SOX9: variants seen among roughly 807,000 people sequenced by gnomAD.
SOX9 encodes SRY-box transcription factor 9, also known as transcription factor SOX-9.
SOX9 carries 2 observed loss-of-function variants against 44.8 expected under a neutral mutation model. The observed-to-expected ratio is 0.04, with a 90% CI of 0.02 to 0.14. SOX9 has a LOEUF of 0.14. Among genes scored for constraint, SOX9 ranks in the 10% least tolerant of loss-of-function variants. The probability of loss-of-function intolerance (pLI) is 1.00; values close to 1 mark genes in which losing one functional copy is unlikely to be tolerated. For synonymous variants in SOX9, 381 were observed against 331.8 expected (o/e 1.15, Z -1.61); for missense variants, 583 against 728.6 (o/e 0.80, Z 2.30).
chr17:72,121,400 C>T lies in SOX9; in HGVS notation c.9C>T (p.Leu3=), dbSNP rs746539387. The change falls in exon 1 of 3, where the codon CTC becomes CTT. Residue 3 remains leucine (L), a synonymous_variant. Coordinates refer to ENST00000245479, the MANE Select transcript of SOX9 (RefSeq NM_000346.4). This position sits in a 1 kb window ranked among gnomAD's most constrained non-coding sequence, Gnocchi z 8.3. MN[L]LDPFMKMTDE... is the part of the protein sequence containing the mutation. ...CTGCCCCGGGCCCGCGTATGAATCTCCTGGACCCCTTCATGAAGATGACCG... is the reference window on the plus strand; with the variant it reads ...CTGCCCCGGGCCCGCGTATGAATCTTCTGGACCCCTTCATGAAGATGACCG... 3 of 1,612,556 alleles carry T rather than the reference C, an allele frequency of 1.9e-6. No individual in the cohort carries two copies. The highest frequency in any genetic ancestry group is 2.5e-6 in the Non-Finnish European group (3 of 1,179,816).
chr17:72,121,213 T>C lies in SOX9; in HGVS notation c.-179T>C. The C allele has an allele frequency of 3.2e-6, 2 of 622,208 alleles. No homozygotes were observed. Among genetic ancestry groups the C allele is most frequent in the Non-Finnish European group, 5.7e-6 (2 of 353,904 alleles). The allele number at this position is 622,208 out of a possible 1,614,324, so 38.5% of individuals were successfully genotyped here. A position where few individuals can be genotyped will look rare whatever the true frequency, so the allele number is the denominator to read the frequency against. Reference sequence around the variant, plus strand: ...CCACTTGGAGCGGGCAGCTGTGAACTGGCCACCCCGCGCCTTCCTAAGTGC... The same window carrying C: ...CCACTTGGAGCGGGCAGCTGTGAACCGGCCACCCCGCGCCTTCCTAAGTGC... On this transcript the variant is annotated 5_prime_UTR_variant, in exon 1 of 3. Transcript: ENST00000245479. The surrounding 1 kb of genome is among the most constrained non-coding windows in gnomAD (Gnocchi z 8.3).
rs1174668473 is a variant in SOX9, at chr17:72,123,732, A to C, written c.875A>C (p.Asn292Thr). Residue 292 changes from asparagine (N) to threonine (T), a missense_variant, in exon 3 of 3, where the codon AAC becomes ACC. Coordinates refer to ENST00000245479, the MANE Select transcript of SOX9 (RefSeq NM_000346.4). The surrounding 1 kb of genome is among the most constrained non-coding windows in gnomAD (Gnocchi z 6.5). ...VISNIETFDVNEFDQYLPPNG... is the reference protein window; with the variant it reads ...VISNIETFDVTEFDQYLPPNG... ...TCCAACATCGAGACCTTCGATGTCA[A>C]CGAGTTTGACCAGTACCTGCCGCCC... 6.2e-7 allele frequency: 1 copy of C among 1,613,754 alleles called. No individual in the cohort carries two copies. The highest frequency in any genetic ancestry group is 8.5e-7 in the Non-Finnish European group (1 of 1,179,956).
Position 72,126,262 on chromosome 17 carries a change from A to T in SOX9, c.*1875A>T. 4.3e-6 allele frequency: 1 copy of T among 233,210 alleles called. No individual in the cohort carries two copies. The highest frequency in any genetic ancestry group is 8.5e-6 in the Non-Finnish European group (1 of 117,834). The allele number at this position is 233,210 out of a possible 1,614,324, so 14.4% of individuals were successfully genotyped here. ...TAAATCATATTTTGTCTTTAGGTAA[A>T]AGCTTTGGTTTGTGTTCGTGTTTTG... is the stretch of plus-strand genomic sequence containing the variant. On this transcript the variant is annotated 3_prime_UTR_variant, in exon 3 of 3. Coordinates refer to ENST00000245479, the MANE Select transcript of SOX9 (RefSeq NM_000346.4).
chr17:72,124,714 G>A lies in SOX9; in HGVS notation c.*327G>A, dbSNP rs1292159817. 2.1e-6 allele frequency: 1 copy of A among 483,574 alleles called. No homozygotes were observed. Among genetic ancestry groups the A allele is most frequent in the African/African-American group, 1.9e-5 (1 of 52,074 alleles). 30.0% of individuals were successfully genotyped at this position (483,574 alleles called of 1,614,324 possible). On this transcript the variant is annotated 3_prime_UTR_variant, in exon 3 of 3. Coordinates refer to ENST00000245479, the MANE Select transcript of SOX9 (RefSeq NM_000346.4). This position sits in a 1 kb window ranked among gnomAD's most constrained non-coding sequence, Gnocchi z 4.6. ...CTTCAGAGCAAGCGTGGAGGATGAT[G>A]GAGAATCGTGTGATCAGTGTGCTAA...
In SOX9 at chr17:72,121,422, A is replaced by T. The variant is rs1287145712; in HGVS notation, c.31A>T (p.Thr11Ser). The T allele has an allele frequency of 6.2e-7, 1 of 1,612,636 alleles. No individual in the cohort carries two copies. Among genetic ancestry groups the T allele is most frequent in the South Asian group, 1.1e-5 (1 of 91,050 alleles). MNLLDPFMKMTDEQEKGLSGA... is the reference protein window; with the variant it reads MNLLDPFMKMSDEQEKGLSGA... ...TCTCCTGGACCCCTTCATGAAGATG[A>T]CCGACGAGCAGGAGAAGGGCCTGTC... Residue 11 changes from threonine (T) to serine (S), a missense_variant, in exon 1 of 3, where the codon ACC becomes TCC. Physicochemically the swap from Thr to Ser is moderately conservative, Grantham distance 58. Coordinates refer to ENST00000245479, the MANE Select transcript of SOX9 (RefSeq NM_000346.4). This position sits in a 1 kb window ranked among gnomAD's most constrained non-coding sequence, Gnocchi z 8.3.
rs1056760895 is a variant in SOX9 at position 72,121,314 on chromosome 17, G to A, written c.-78G>A. The stretch of plus-strand genomic sequence containing the variant: ...CGCATCCGGGCAGCCGAGGGGAGAG[G>A]AGCCCGCGCCTCGAGTCCCCGAGCC... On this transcript the variant is annotated 5_prime_UTR_variant, in exon 1 of 3. Coordinates refer to ENST00000245479, the MANE Select transcript of SOX9 (RefSeq NM_000346.4). This position sits in a 1 kb window ranked among gnomAD's most constrained non-coding sequence, Gnocchi z 8.3. The A allele has an allele frequency of 7.5e-6, 10 of 1,336,904 alleles. No homozygotes were observed. In the Admixed American group the frequency reaches 1.6e-4, roughly 21 times the overall value. 82.8% of individuals were successfully genotyped at this position (1,336,904 alleles called of 1,614,324 possible).
rs536088603 is a variant in SOX9, at chr17:72,123,422, C to G, written c.686-121C>G. ...TATCTCCGGTGCAGCGCGCCTCTTG[C>G]GCGGGTGCGGGCCCTTATTACACTT... On this transcript the variant is annotated intron_variant, in intron 2 of 2. Transcript: ENST00000245479. This position sits in a 1 kb window ranked among gnomAD's most constrained non-coding sequence, Gnocchi z 6.5. 9 of 1,376,836 alleles carry G rather than the reference C, an allele frequency of 6.5e-6. No homozygotes were observed. The Admixed American group carries it at 1.2e-4, about 19-fold the overall frequency. 85.3% of individuals were successfully genotyped at this position (1,376,836 alleles called of 1,614,324 possible). A position where few individuals can be genotyped will look rare whatever the true frequency, so the allele number is the denominator to read the frequency against.
chr17:72,123,403 C>T lies in SOX9; in HGVS notation c.686-140C>T. ...GGTTAATCATTGGGCGACTTATCTC[C>T]GGTGCAGCGCGCCTCTTGCGCGGGT... On this transcript the variant is annotated intron_variant, in intron 2 of 2. Coordinates refer to ENST00000245479, the MANE Select transcript of SOX9 (RefSeq NM_000346.4). This position sits in a 1 kb window ranked among gnomAD's most constrained non-coding sequence, Gnocchi z 6.5. 8.6e-7 allele frequency: 1 copy of T among 1,166,778 alleles called. No individual in the cohort carries two copies. The highest frequency in any genetic ancestry group is 1.2e-6 in the Non-Finnish European group (1 of 804,196). 72.3% of individuals were successfully genotyped at this position (1,166,778 alleles called of 1,614,324 possible).
intron 1 of SOX9, among the ~76,000 whole-genome samples, chr17:72,122,518 A>C (rs1908130981): frequency 6.6e-6 from 1 of 151,980 alleles, no homozygotes; most frequent in Admixed American, 6.6e-5. Flanking sequence ...CGCTCAGGTC[A>C]GACTGCAATA....
Position 72,123,904 on chromosome 17 carries a change from C to A in SOX9, c.1047C>A (p.Pro349=), listed in dbSNP as rs1161904352. The change falls in exon 3 of 3, where the codon CCC becomes CCA. Residue 349 remains proline, a synonymous_variant. Transcript: ENST00000245479. This position sits in a 1 kb window ranked among gnomAD's most constrained non-coding sequence, Gnocchi z 6.5. ...QQAPPPPPQQ[P]PQAPPAPQAP... ...CGCCGCCGCCACCCCCGCAGCAGCC[C>A]CCACAGGCCCCGCCGGCCCCGCAGG... is the stretch of plus-strand genomic sequence containing the variant. 7.4e-7 allele frequency: 1 copy of A among 1,351,966 alleles called. No individual in the cohort carries two copies. The highest frequency in any genetic ancestry group is 3.0e-5 in the East Asian group (1 of 33,108). 83.7% of individuals were successfully genotyped at this position (1,351,966 alleles called of 1,614,324 possible).
At position 72,123,112 on chromosome 17, in the gene SOX9, C is replaced by T; in HGVS notation, c.685+140C>T. 2.0e-6 allele frequency: 2 copies of T among 1,005,142 alleles called. No individual in the cohort carries two copies. Among genetic ancestry groups the T allele is most frequent in the African/African-American group, 1.6e-5 (1 of 63,462 alleles). 62.3% of individuals were successfully genotyped at this position (1,005,142 alleles called of 1,614,324 possible). On this transcript the variant is annotated intron_variant, in intron 2 of 2. Transcript: ENST00000245479. This position sits in a 1 kb window ranked among gnomAD's most constrained non-coding sequence, Gnocchi z 6.5. ...CTGCCCTTTGCGCCCGTCCCGCTCC[C>T]CTCTCTACCCAGAGCCTAAGAGGCA...
rs981347980 is a variant in SOX9 at position 72,125,236 on chromosome 17, C to A, written c.*849C>A. On this transcript the variant is annotated 3_prime_UTR_variant, in exon 3 of 3. Transcript: ENST00000245479. ...TTAAAGAAGAGAAAAACACCTTGAG[C>A]CTTAAAACGGTGCTGCTGGGAAACA... The A allele has an allele frequency of 4.4e-6, 1 of 228,484 alleles. No individual in the cohort carries two copies. Among genetic ancestry groups the A allele is most frequent in the African/African-American group, 2.2e-5 (1 of 45,008 alleles). The allele number at this position is 228,484 out of a possible 1,614,324, so 14.2% of individuals were successfully genotyped here. A position where few individuals can be genotyped will look rare whatever the true frequency, so the allele number is the denominator to read the frequency against.
chr17:72,123,964 G>T lies in SOX9; in HGVS notation c.1107G>T (p.Gln369His). 6.8e-7 allele frequency: 1 copy of T among 1,466,912 alleles called. No individual in the cohort carries two copies. Among genetic ancestry groups the T allele is most frequent in the Non-Finnish European group, 9.0e-7 (1 of 1,111,824 alleles). The allele number at this position is 1,466,912 out of a possible 1,614,324, so 90.9% of individuals were successfully genotyped here. A position where few individuals can be genotyped will look rare whatever the true frequency, so the allele number is the denominator to read the frequency against. The change falls in exon 3 of 3, where the codon CAG (glutamine) becomes CAT (histidine). Residue 369 changes from glutamine to histidine, a missense_variant. By Grantham distance (24) the Gln-to-His change is conservative. Around this residue, in one of 7 missense-constraint regions of SOX9, gnomAD observed 349 missense variants for 387.0 expected, o/e 0.90. Transcript: ENST00000245479. The surrounding 1 kb of genome is among the most constrained non-coding windows in gnomAD (Gnocchi z 6.5). Reference sequence around the variant, plus strand: ...AGCCGCAGGCGGCGCCCCCACAGCAGCCGGCGGCACCCCCGCAGCAGCCAC... The same window carrying T: ...AGCCGCAGGCGGCGCCCCCACAGCATCCGGCGGCACCCCCGCAGCAGCCAC... ...PPQPQAAPPQ[Q>H]PAAPPQQPQA...
Position 72,126,077 on chromosome 17 carries a change from G to A in SOX9, c.*1690G>A, listed in dbSNP as rs1908275051. 2 of 232,060 alleles carry A rather than the reference G, an allele frequency of 8.6e-6. No homozygotes were observed. Among genetic ancestry groups the A allele is most frequent in the East Asian group, 1.2e-4 (2 of 16,356 alleles). The allele number at this position is 232,060 out of a possible 1,614,324, so 14.4% of individuals were successfully genotyped here. On this transcript the variant is annotated 3_prime_UTR_variant, in exon 3 of 3. Coordinates refer to ENST00000245479, the MANE Select transcript of SOX9 (RefSeq NM_000346.4). ...AGTTTGAGGATTGCTTTTTAAAAAA[G>A]ACAGCAAACTTTTTTTTTTATTTAA...
intron 1 of SOX9, 23 bp from the exon 2 acceptor site, chr17:72,122,696 G>A (rs535214263): frequency 1.2e-6 from 2 of 1,610,428 alleles, no homozygotes; most frequent in African/African-American, 1.3e-5. Flanking sequence ...TTTTCTCTGT[G>A]CCCCCCGCCC....
rs1908098881 is a variant in SOX9 at position 72,121,671 on chromosome 17, C to A, written c.280C>A (p.Arg94Ser). The A allele has an allele frequency of 1.2e-6, 2 of 1,601,246 alleles. No individual in the cohort carries two copies. Among genetic ancestry groups the A allele is most frequent in the Non-Finnish European group, 1.7e-6 (2 of 1,174,516 alleles). Reference sequence around the variant, plus strand: ...CTGGACGCTGGTGCCCATGCCGGTGCGCGTCAACGGCTCCAGCAAGAACAA... The same window carrying A: ...CTGGACGCTGGTGCCCATGCCGGTGAGCGTCAACGGCTCCAGCAAGAACAA... ...YDWTLVPMPV[R>S]VNGSSKNKPH... is the part of the protein sequence containing the mutation. The change falls in exon 1 of 3, where the codon CGC becomes AGC. Residue 94 changes from arginine (R) to serine (S), a missense_variant. Coordinates refer to ENST00000245479, the MANE Select transcript of SOX9 (RefSeq NM_000346.4). This position sits in a 1 kb window ranked among gnomAD's most constrained non-coding sequence, Gnocchi z 8.3.
Position 72,121,435 on chromosome 17 carries a change from A to G in SOX9, c.44A>G (p.Glu15Gly). Residue 15 changes from glutamate to glycine, a missense_variant, in exon 1 of 3, where the codon GAG becomes GGG. Glu to Gly is a moderately conservative substitution (Grantham distance 98). Around this residue, in one of 7 missense-constraint regions of SOX9, gnomAD observed 101 missense variants for 98.6 expected, o/e 1.02. Coordinates refer to ENST00000245479, the MANE Select transcript of SOX9 (RefSeq NM_000346.4). The surrounding 1 kb of genome is among the most constrained non-coding windows in gnomAD (Gnocchi z 8.3). The stretch of plus-strand genomic sequence containing the variant: ...TTCATGAAGATGACCGACGAGCAGG[A>G]GAAGGGCCTGTCCGGCGCCCCCAGC... ...DPFMKMTDEQEKGLSGAPSPT... is the reference protein window; with the variant it reads ...DPFMKMTDEQGKGLSGAPSPT... 1.2e-6 allele frequency: 2 copies of G among 1,612,804 alleles called. No homozygotes were observed. The highest frequency in any genetic ancestry group is 1.1e-5 in the South Asian group (1 of 91,066).
chr17:72,123,425 GGGTGCGGGCCCTT>G lies in SOX9; in HGVS notation c.686-117_686-105del. ...CTCCGGTGCAGCGCGCCTCTTGCGC[GGGTGCGGGCCCTT>G]ATTACACTTTAGCAGCGAGGGAGGG... On this transcript the variant is annotated intron_variant, in intron 2 of 2. Transcript: ENST00000245479. This position sits in a 1 kb window ranked among gnomAD's most constrained non-coding sequence, Gnocchi z 6.5. 7.1e-7 allele frequency: 1 copy of G among 1,402,214 alleles called. No homozygotes were observed. Among genetic ancestry groups the G allele is most frequent in the Non-Finnish European group, 1.0e-6 (1 of 997,508 alleles). 86.9% of individuals were successfully genotyped at this position (1,402,214 alleles called of 1,614,324 possible).
At position 72,124,687 on chromosome 17, in the gene SOX9, C is replaced by T; in HGVS notation, c.*300C>T. The T allele has an allele frequency of 1.9e-6, 1 of 519,332 alleles. No individual in the cohort carries two copies. Among genetic ancestry groups the T allele is most frequent in the Non-Finnish European group, 3.5e-6 (1 of 285,968 alleles). 32.2% of individuals were successfully genotyped at this position (519,332 alleles called of 1,614,324 possible). The stretch of plus-strand genomic sequence containing the variant: ...AACGAGAAACTGGACTTTTTAAACC[C>T]TCTTCAGAGCAAGCGTGGAGGATGA... On this transcript the variant is annotated 3_prime_UTR_variant, in exon 3 of 3. Coordinates refer to ENST00000245479, the MANE Select transcript of SOX9 (RefSeq NM_000346.4). The surrounding 1 kb of genome is among the most constrained non-coding windows in gnomAD (Gnocchi z 4.6).
Sources: allele counts gnomAD v4.1 joint callset (sites outside exome capture counted in the v4.1 genomes callset), GRCh38; gene constraint gnomAD v4.1.1; regional missense constraint gnomAD v4.1.1; non-coding constraint Gnocchi (gnomAD v3.1); transcripts MANE v1.5; gene names NCBI Gene and HGNC (gene_info 2026-07-23, HGNC 2026-07-21).